VWA8: variants seen among roughly 807,000 people sequenced by gnomAD.
The protein encoded by VWA8 is von Willebrand factor A domain containing 8, also known as von Willebrand factor A domain-containing protein 8.
In VWA8, 221 loss-of-function variants were observed where a neutral mutation model predicts 241.5. The ratio of observed to expected loss-of-function variants is 0.91; its 90% CI spans 0.82 to 1.02. VWA8 has a LOEUF of 1.02. VWA8 is among the 50% of genes least tolerant of loss of function. The probability of loss-of-function intolerance (pLI) is 0.00; values close to 1 mark genes in which losing one functional copy is unlikely to be tolerated. For synonymous variants in VWA8, 852 were observed against 827.1 expected, an observed-to-expected ratio of 1.03 and a Z score of -0.52; for missense variants, 2,322 against 2,328.7, an observed-to-expected ratio of 1.00 and a Z score of 0.06.
intron 37 of VWA8, among the ~76,000 whole-genome samples, chr13:41,662,583 AATT>A (rs2044957986): frequency 6.6e-6 from 1 of 150,530 alleles, no homozygotes; most frequent in Admixed American, 6.6e-5. Flanking sequence ...CTAGGTAGGC[AATT>A]ATGTTGTTTG....
chr13:41,832,383 TA>T (rs1292742595), intron 13 of VWA8, among the ~76,000 whole-genome samples: 1 of 152,182 alleles, frequency 6.6e-6, no homozygotes, highest in African/African-American at 2.4e-5. Flanking sequence ...AGATAGCTAA[TA>T]AAATGGGACT....
rs377311171 is a variant in VWA8 at position 41,587,569 on chromosome 13, T to C, written c.5214A>G (p.Thr1738=). 1 of 1,614,160 alleles carries C rather than the reference T, an allele frequency of 6.2e-7. No individual in the cohort carries two copies. Among genetic ancestry groups the C allele is most frequent in the Non-Finnish European group, 8.5e-7 (1 of 1,180,028 alleles). ...FNRMDGRLER[T]MEAVCMVMEA... is the part of the protein sequence containing the mutation. ...CCATGACCATACACACAGCCTCCAT[T>C]GTGCGCTCAAGCCGGCCATCCATCC... is the stretch of plus-strand genomic sequence containing the variant. Residue 1738 remains threonine (T), a synonymous_variant, in exon 42 of 45, where the codon ACA becomes ACG. Transcript: ENST00000379310.
At chr13:41,630,449 C>T (rs1467684824) in intron 37 of VWA8, among the ~76,000 whole-genome samples, 2 of 151,770 alleles carry the variant, frequency 1.3e-5, no homozygotes, top group East Asian at 1.9e-4. Flanking sequence ...CTTGAACACT[C>T]GTAGAGGCTT....
chr13:41,768,243 A>C (rs2045792932), intron 20 of VWA8, among the ~76,000 whole-genome samples: 1 of 152,218 alleles, frequency 6.6e-6, no homozygotes, highest in African/African-American at 2.4e-5. Context: ...CAGTGCTTCT[A>C]CAGATATTAA....
At chr13:41,616,251 C>G (rs931878085) in intron 37 of VWA8, among the ~76,000 whole-genome samples, 1 of 152,162 alleles carries the variant, frequency 6.6e-6, no homozygotes, top group Non-Finnish European at 1.5e-5. Context: ...TACTGTCTTA[C>G]GTCCAAGTTG....
rs781548932 is a variant in VWA8, at chr13:41,912,023, G to T, written c.372+15C>A. 2 of 1,556,018 alleles carry T rather than the reference G, an allele frequency of 1.3e-6. No individual in the cohort carries two copies. Among genetic ancestry groups the T allele is most frequent in the Non-Finnish European group, 1.7e-6 (2 of 1,151,254 alleles). ...AGTTAAGACCCTTAGAAATTGACAA[G>T]AATTAACTGCTCACCAAGTACTGCA... On this transcript the variant is annotated intron_variant, in intron 3 of 44. Coordinates refer to ENST00000379310, the MANE Select transcript of VWA8 (RefSeq NM_015058.2).
chr13:41,614,131 G>A (rs2044606478), intron 38 of VWA8, among the ~76,000 whole-genome samples: 1 of 152,218 alleles, frequency 6.6e-6, no homozygotes, highest in East Asian at 1.9e-4. Context: ...TTACTTTAAA[G>A]CTGATGCTTG....
chr13:41,730,143 T>G (rs1442360074), intron 22 of VWA8, among the ~76,000 whole-genome samples: 1 of 152,068 alleles, frequency 6.6e-6, no homozygotes, highest in Admixed American at 6.6e-5. Context: ...AAATGGATAG[T>G]GGAGAAAAGG....
intron 43 of VWA8, among the ~76,000 whole-genome samples, chr13:41,574,161 GAA>G (rs1037834139): frequency 1.6e-5 from 2 of 126,662 alleles, no homozygotes; most frequent in African/African-American, 3.1e-5. Context: ...CAACATTAAA[GAA>G]AAGTTTTCTG....
At chr13:41,780,083 C>T (rs1310390284) in intron 19 of VWA8, among the ~76,000 whole-genome samples, 1 of 152,162 alleles carries the variant, frequency 6.6e-6, no homozygotes. Flanking sequence ...CTTCCTTCTA[C>T]CTTCTTACAT....
intron 41 of VWA8, among the ~76,000 whole-genome samples, chr13:41,588,587 G>A (rs1359174299): frequency 6.6e-6 from 1 of 152,020 alleles, no homozygotes; most frequent in South Asian, 2.1e-4. Context: ...CTAGGGTGGT[G>A]CTATGTGCCT....
At chr13:41,838,874 A>G (rs1871863594) in intron 12 of VWA8, among the ~76,000 whole-genome samples, 1 of 151,884 alleles carries the variant, frequency 6.6e-6, no homozygotes, top group Non-Finnish European at 1.5e-5. Flanking sequence ...TTTGTGACAA[A>G]TTTTCTTTAT....
intron 35 of VWA8, among the ~76,000 whole-genome samples, chr13:41,683,475 G>A (rs1426907131): frequency 6.6e-6 from 1 of 152,264 alleles, no homozygotes; most frequent in Admixed American, 6.5e-5. Context: ...TGGAATGGGG[G>A]AAGTTTTTGG....
At chr13:41,783,117 T>C (rs1489804445) in intron 19 of VWA8, among the ~76,000 whole-genome samples, 1 of 150,600 alleles carries the variant, frequency 6.6e-6, no homozygotes, top group Non-Finnish European at 1.5e-5. Flanking sequence ...TGCTTTGTTT[T>C]TAAAATGTTT....
rs2045017109 is a variant in VWA8 at position 41,670,811 on chromosome 13, A to G, written c.4611+135T>C. On this transcript the variant is annotated intron_variant, in intron 37 of 44. Coordinates refer to ENST00000379310, the MANE Select transcript of VWA8 (RefSeq NM_015058.2). ...ATTTGTTTTTGTCTTTTTATTTTGT[A>G]TCTAAAAATTCTTTTAGTTCTTTAA... 6 of 962,612 alleles carry G rather than the reference A, an allele frequency of 6.2e-6. No homozygotes were observed. In the East Asian group the frequency reaches 7.9e-5, roughly 13 times the overall value. The allele number at this position is 962,612 out of a possible 1,614,324, so 59.6% of individuals were successfully genotyped here. A position where few individuals can be genotyped will look rare whatever the true frequency, so the allele number is the denominator to read the frequency against.
intron 5 of VWA8, among the ~76,000 whole-genome samples, chr13:41,890,927 T>C (rs1874806181): frequency 6.6e-6 from 1 of 152,194 alleles, no homozygotes; most frequent in South Asian, 2.1e-4. Flanking sequence ...CGGCATGTGA[T>C]GCTGGTGGCT....
rs567340346 is a variant in VWA8, at chr13:41,902,064, A to C, written c.483+5522T>G. Among the ~76,000 whole-genome samples, 18 of 151,478 alleles carry C rather than the reference A, an allele frequency of 1.2e-4. No homozygotes were observed. The South Asian group carries it at 3.8e-3, about 32-fold the overall frequency. ...ATCTTCCCCGACTGTCCAAGTGCAA[A>C]TTAGGATGTATTTTTAAATAATGAT... On this transcript the variant is annotated intron_variant, in intron 4 of 44. Coordinates refer to ENST00000379310, the MANE Select transcript of VWA8 (RefSeq NM_015058.2).
At chr13:41,572,073 G>A (rs537170487) in intron 43 of VWA8, among the ~76,000 whole-genome samples, 5 of 151,966 alleles carry the variant, frequency 3.3e-5, no homozygotes, top group South Asian at 4.2e-4. Context: ...GTCTCTGATC[G>A]GCTGCCCCGT....
At chr13:41,840,946 A>G (rs144012585) in intron 12 of VWA8, among the ~76,000 whole-genome samples, 2 of 152,328 alleles carry the variant, frequency 1.3e-5, no homozygotes, top group Non-Finnish European at 2.9e-5. Flanking sequence ...CCTTATGGAA[A>G]GCCTAACAAG....
Sources: gnomAD v4.1 joint callset for allele counts (sites outside exome capture counted in the v4.1 genomes callset) on GRCh38, gnomAD v4.1.1 for gene constraint, MANE v1.5 for transcripts, NCBI Gene and HGNC (gene_info 2026-07-23, HGNC 2026-07-21) for gene names.